Variants in CPQ observed in about 807,000 individuals in gnomAD.
The protein encoded by CPQ is Ser-Met dipeptidase.
A neutral mutation model predicts 45.7 loss-of-function variants in CPQ; 37 were observed. That is an observed-to-expected ratio of 0.81 (90% CI 0.62 to 1.07). The LOEUF is 1.07. Among genes scored for constraint, CPQ ranks in the 50% least tolerant of loss-of-function variants. CPQ has a pLI of 0.00. For synonymous variants in CPQ, 186 were observed against 205.8 expected (o/e 0.90, Z 0.82); for missense variants, 537 against 572.9 (o/e 0.94, Z 0.64).
intron 5 of CPQ, among the ~76,000 whole-genome samples, chr8:96,991,485 G>A (rs1390868827): frequency 6.6e-6 from 1 of 151,664 alleles, no homozygotes; most frequent in Admixed American, 6.6e-5. Flanking sequence ...GAACCTGGGA[G>A]GCAGAGCTTG....
rs201353250 is a variant in CPQ at position 97,043,551 on chromosome 8, A to C, written c.1053+14057A>C. 6.7e-3 allele frequency among the ~76,000 whole-genome samples: 1,026 copies of C among 152,030 alleles called. 6 individuals carry two copies. Among genetic ancestry groups the C allele is most frequent in the African/African-American group, 0.022 (900 of 41,440 alleles). ...ATTATGATGTTAGCTGGTTATTTTG[A>C]TCGTTAGTTGATGCAGTTTCTTCCT... On this transcript the variant is annotated intron_variant, in intron 6 of 7. Coordinates refer to ENST00000220763, the MANE Select transcript of CPQ (RefSeq NM_016134.4).
At chr8:97,060,533 CTTTA>C (rs2130519955) in intron 6 of CPQ, among the ~76,000 whole-genome samples, 1 of 152,232 alleles carries the variant, frequency 6.6e-6, no homozygotes, top group East Asian at 1.9e-4. Context: ...AGCAGCTTCT[CTTTA>C]TTTAGAGAAC....
At chr8:97,099,115 CTTTTT>C (rs34830752) in intron 7 of CPQ, among the ~76,000 whole-genome samples, 4 of 66,340 alleles carry the variant, frequency 6.0e-5, no homozygotes, top group Non-Finnish European at 7.8e-5. Context: ...CCTTCTCTCT[CTTTTT>C]TTTTTTTTTT....
intron 4 of CPQ, among the ~76,000 whole-genome samples, chr8:96,888,409 T>A (rs1178289408): frequency 2.0e-5 from 3 of 151,934 alleles, no homozygotes; most frequent in Non-Finnish European, 4.4e-5. Context: ...ATTCCTTTAT[T>A]AAAAAAATAC....
chr8:96,730,862 C>CATATATATAT (rs1490194461), intron 1 of CPQ, among the ~76,000 whole-genome samples: 1 of 29,384 alleles, frequency 3.4e-5, no homozygotes, highest in Non-Finnish European at 8.9e-5. Flanking sequence ...ATTAACCATA[C>CATATATATAT]ATACATATAT....
intron 5 of CPQ, among the ~76,000 whole-genome samples, chr8:96,994,948 T>A (rs934577735): frequency 1.3e-5 from 2 of 152,088 alleles, no homozygotes; most frequent in Non-Finnish European, 2.9e-5. Context: ...TCATGAAACT[T>A]AGAGTCGAAT....
intron 1 of CPQ, among the ~76,000 whole-genome samples, chr8:96,774,155 C>A (rs1321786624): frequency 6.6e-6 from 1 of 151,918 alleles, no homozygotes; most frequent in Non-Finnish European, 1.5e-5. Flanking sequence ...CCTGTAATCC[C>A]AGCTACTCAG....
chr8:96,765,316 AC>A (rs1356214894), intron 1 of CPQ, among the ~76,000 whole-genome samples: 1 of 152,154 alleles, frequency 6.6e-6, no homozygotes, highest in Middle Eastern at 3.2e-3. Context: ...ACTTTCAAAA[AC>A]ATGGGCCAAG....
intron 1 of CPQ, among the ~76,000 whole-genome samples, chr8:96,747,050 G>A (rs941811669): frequency 2.0e-5 from 3 of 152,146 alleles, no homozygotes; most frequent in Non-Finnish European, 2.9e-5. Flanking sequence ...CAGCACTTTG[G>A]GAGGCTGAGG....
chr8:96,880,079 AAG>A, intron 4 of CPQ, 74 bp downstream of exon 4: 2 of 1,356,368 alleles, frequency 1.5e-6, no homozygotes, highest in Non-Finnish European at 2.1e-6. Context: ...TAGTTTGGGA[AAG>A]AGAGAACGTG....
Position 97,071,104 on chromosome 8 carries a change from TTTG to T in CPQ, c.1255+4906_1255+4908del, listed in dbSNP as rs769614759. On this transcript the variant is annotated intron_variant, in intron 7 of 7. Transcript: ENST00000220763. ...TGCTTCAGAATCTGAAATTCAACTT[TTTG>T]TTGTTGTTGTTTTTAGTGTGGTGGC... is the stretch of plus-strand genomic sequence containing the variant. Among the ~76,000 whole-genome samples, 12 of 152,284 alleles carry T rather than the reference TTTG, an allele frequency of 7.9e-5. 1 individual carries two copies. In the East Asian group the frequency reaches 9.7e-4, roughly 12 times the overall value.
At chr8:96,696,952 T>C (rs1287739935) in intron 1 of CPQ, among the ~76,000 whole-genome samples, 1 of 152,166 alleles carries the variant, frequency 6.6e-6, no homozygotes, top group Non-Finnish European at 1.5e-5. Context: ...GAAAAACTAA[T>C]ACCAGTGCTA....
At chr8:97,122,923 AAAAT>A (rs1298094613) in intron 7 of CPQ, among the ~76,000 whole-genome samples, 3,312 of 74,294 alleles carry the variant, frequency 0.045, 205 homozygotes, top group African/African-American at 0.057. Flanking sequence ...AAAATAAAAT[AAAAT>A]AAATAAAATA....
intron 1 of CPQ, among the ~76,000 whole-genome samples, chr8:96,664,820 G>A (rs1808898695): frequency 6.6e-6 from 1 of 152,144 alleles, no homozygotes; most frequent in African/African-American, 2.4e-5. Context: ...GCCCTTCACT[G>A]GACAGGCAAC....
intron 1 of CPQ, among the ~76,000 whole-genome samples, chr8:96,670,315 T>A (rs531396008): frequency 2.5e-4 from 37 of 150,248 alleles, no homozygotes; most frequent in Admixed American, 1.1e-3. Context: ...ACTCAATTTT[T>A]TTTTTTTTTT....
chr8:97,029,335 C>A (rs1809853783), intron 5 of CPQ, 68 bp from the exon 6 acceptor site: 3 of 1,443,646 alleles, frequency 2.1e-6, no homozygotes, highest in Non-Finnish European at 2.8e-6. Context: ...AGATGAGGGA[C>A]CCTGCCATTT....
intron 7 of CPQ, among the ~76,000 whole-genome samples, chr8:97,128,735 G>A (rs926880024): frequency 2.6e-5 from 4 of 152,180 alleles, no homozygotes; most frequent in East Asian, 3.8e-4. Context: ...CTTATTTTAC[G>A]AACATAGTTG....
At chr8:96,877,951 G>A (rs1812169906) in intron 3 of CPQ, among the ~76,000 whole-genome samples, 1 of 151,922 alleles carries the variant, frequency 6.6e-6, no homozygotes. Context: ...AAAATTTGCA[G>A]TCCACCTTTT....
At chr8:96,660,440 G>A (rs1333196176) in intron 1 of CPQ, among the ~76,000 whole-genome samples, 1 of 152,092 alleles carries the variant, frequency 6.6e-6, no homozygotes, top group East Asian at 1.9e-4. Context: ...AAGCCCTGGG[G>A]GTTAGGGCTT....
Sources: allele counts gnomAD v4.1 joint callset (sites outside exome capture counted in the v4.1 genomes callset), GRCh38; gene constraint gnomAD v4.1.1; transcripts MANE v1.5; gene names NCBI Gene and HGNC (gene_info 2026-07-23, HGNC 2026-07-21).